Variants in HEPHL1 observed in about 807,000 individuals in gnomAD.
The protein encoded by HEPHL1 is hephaestin like 1, also known as ferroxidase HEPHL1.
A neutral mutation model predicts 122.0 loss-of-function variants in HEPHL1; 123 were observed. That is an observed-to-expected ratio of 1.01 (90% CI 0.87 to 1.17). The LOEUF (loss-of-function observed/expected upper bound fraction) is 1.17, where lower values mean the gene tolerates loss of function less well. Among genes scored for constraint, HEPHL1 ranks in the 50% most tolerant of loss-of-function variants. HEPHL1 has a pLI of 0.00. For missense variants in HEPHL1, 1,452 were observed against 1,430.5 expected (o/e 1.01, Z -0.24); for synonymous variants, 527 against 508.9 (o/e 1.04, Z -0.48).
intron 9 of HEPHL1, among the ~76,000 whole-genome samples, chr11:94,076,633 A>G (rs918122599): frequency 1.3e-5 from 2 of 152,038 alleles, no homozygotes; most frequent in African/African-American, 4.8e-5. Flanking sequence ...ACCCTGAAAC[A>G]TCCTATACCT....
At chr11:94,089,796 G>A (rs908664709) in intron 12 of HEPHL1, among the ~76,000 whole-genome samples, 2 of 152,062 alleles carry the variant, frequency 1.3e-5, no homozygotes, top group Admixed American at 1.3e-4. Context: ...GAGTTAAGGC[G>A]CCCAACTAGA....
Position 94,021,503 on chromosome 11 carries a change from G to A in HEPHL1, c.135G>A (p.Lys45=). Residue 45 remains lysine, a synonymous_variant, in exon 1 of 20, where the codon AAG becomes AAA. Coordinates refer to ENST00000315765, the MANE Select transcript of HEPHL1 (RefSeq NM_001098672.2). The part of the protein sequence containing the change: ...EEYWNYVPQG[K]NVITGKSFTE... ...ACTGGAACTATGTACCCCAAGGGAA[G>A]AATGTTATTACTGGGAAAAGTTTCA... The A allele has an allele frequency of 2.5e-6, 4 of 1,611,976 alleles. No individual in the cohort carries two copies. Among genetic ancestry groups the A allele is most frequent in the Non-Finnish European group, 3.4e-6 (4 of 1,179,132 alleles).
chr11:94,031,531 T>C lies in HEPHL1; in HGVS notation c.170+9993T>C, dbSNP rs112945762. On this transcript the variant is annotated intron_variant, in intron 1 of 19. Coordinates refer to ENST00000315765, the MANE Select transcript of HEPHL1 (RefSeq NM_001098672.2). ...TTACCCAGCTGCCAGTTGAAGAACA[T>C]TTTGGTCTTTCCAGGCTTTTGCTAT... is the stretch of plus-strand genomic sequence containing the variant. Among the ~76,000 whole-genome samples, 834 of 152,302 alleles carry C rather than the reference T, an allele frequency of 5.5e-3. 7 individuals carry two copies. Among genetic ancestry groups the C allele is most frequent in the African/African-American group, 0.019 (777 of 41,562 alleles).
chr11:94,082,344 A>G (rs1946177669), intron 9 of HEPHL1, 74 bp from the exon 10 acceptor site: 1 of 1,142,984 alleles, frequency 8.7e-7, no homozygotes, highest in African/African-American at 1.5e-5. Flanking sequence ...TTTTGTGTGA[A>G]CTTTGAAGGA....
intron 3 of HEPHL1, among the ~76,000 whole-genome samples, chr11:94,063,997 T>G (rs4753122): frequency 0.57 from 87,200 of 152,084 alleles, 25,156 homozygotes; most frequent in South Asian, 0.68. Context: ...AAATGACCAG[T>G]AATGCCTTCT....
chr11:94,028,816 C>T (rs1945647648), intron 1 of HEPHL1, among the ~76,000 whole-genome samples: 1 of 152,166 alleles, frequency 6.6e-6, no homozygotes, highest in Non-Finnish European at 1.5e-5. Flanking sequence ...AAGTTACTTC[C>T]TTACTTTGTT....
chr11:94,058,615 T>A (rs1209240176), intron 2 of HEPHL1, among the ~76,000 whole-genome samples: 1 of 152,222 alleles, frequency 6.6e-6, no homozygotes, highest in Non-Finnish European at 1.5e-5. Context: ...TTATATACAT[T>A]CCTTCATTTA....
chr11:94,083,025 T>G (rs1044969968), intron 10 of HEPHL1, among the ~76,000 whole-genome samples: 6 of 151,400 alleles, frequency 4.0e-5, no homozygotes, highest in Non-Finnish European at 8.8e-5. Flanking sequence ...GAGGTGGAGG[T>G]TGCAGTGAGC....
chr11:94,036,144 C>T (rs1039799158), intron 1 of HEPHL1, among the ~76,000 whole-genome samples: 7 of 152,224 alleles, frequency 4.6e-5, no homozygotes, highest in African/African-American at 1.7e-4. Flanking sequence ...TAGGGTGACA[C>T]AGTCATACAT....
chr11:94,102,150 C>T (rs1055472148), intron 14 of HEPHL1, among the ~76,000 whole-genome samples: 1 of 152,146 alleles, frequency 6.6e-6, no homozygotes, highest in African/African-American at 2.4e-5. Flanking sequence ...TGGAATGTAT[C>T]TCTCCTGGAC....
In HEPHL1 at chr11:94,100,450, C is replaced by T. The variant is rs1286098340; in HGVS notation, c.2435-745C>T. ...ACAGGCCCTCTGAGCCAGGTGTGGG[C>T]TCATCTCCATTGGCACCCAGCCTGG... On this transcript the variant is annotated intron_variant, in intron 13 of 19. Coordinates refer to ENST00000315765, the MANE Select transcript of HEPHL1 (RefSeq NM_001098672.2). 3.9e-5 allele frequency among the ~76,000 whole-genome samples: 6 copies of T among 152,180 alleles called. No individual in the cohort carries two copies. In the East Asian group the frequency reaches 1.2e-3, roughly 29 times the overall value.
At chr11:94,071,425 A>G (rs756167771) in intron 6 of HEPHL1, among the ~76,000 whole-genome samples, 1 of 152,168 alleles carries the variant, frequency 6.6e-6, no homozygotes, top group Non-Finnish European at 1.5e-5. Flanking sequence ...TGTGTGAACC[A>G]TATGTGAAAG....
At chr11:94,050,849 C>T (rs1464280978) in intron 2 of HEPHL1, among the ~76,000 whole-genome samples, 1 of 152,064 alleles carries the variant, frequency 6.6e-6, no homozygotes. Flanking sequence ...GGTATCCATC[C>T]TTCTATTCTG....
At chr11:94,045,579 G>A in intron 1 of HEPHL1, 94 bp from the exon 2 acceptor site, 9 of 1,056,692 alleles carry the variant, frequency 8.5e-6, no homozygotes, top group South Asian at 1.7e-5. Context: ...CCAAATGAGA[G>A]GTCATACATG....
intron 2 of HEPHL1, among the ~76,000 whole-genome samples, chr11:94,047,043 C>T (rs1235779848): frequency 1.3e-5 from 2 of 152,182 alleles, no homozygotes; most frequent in Non-Finnish European, 2.9e-5. Context: ...GGAGAGAACT[C>T]TGATGGTGAA....
intron 9 of HEPHL1, among the ~76,000 whole-genome samples, chr11:94,077,056 T>G (rs1946131585): frequency 6.6e-6 from 1 of 152,220 alleles, no homozygotes; most frequent in African/African-American, 2.4e-5. Context: ...ACATTTGATC[T>G]CATTTGCTTT....
intron 1 of HEPHL1, among the ~76,000 whole-genome samples, chr11:94,030,570 T>C (rs1478541061): frequency 6.6e-6 from 1 of 152,066 alleles, no homozygotes; most frequent in African/African-American, 2.4e-5. Context: ...CAGGCATGAA[T>C]AAAGGGAAGA....
In HEPHL1 at chr11:94,063,553, A is replaced by G; in HGVS notation, c.461A>G (p.Asp154Gly). The G allele has an allele frequency of 6.2e-7, 1 of 1,613,352 alleles. No homozygotes were observed. The highest frequency in any genetic ancestry group is 8.5e-7 in the Non-Finnish European group (1 of 1,179,622). Residue 154 changes from aspartate to glycine, a missense_variant, in exon 3 of 20, where the codon GAC becomes GGC. Transcript: ENST00000315765. ...DGTSGRNKNDDMVPPGKNYTY... is the reference protein window; with the variant it reads ...DGTSGRNKNDGMVPPGKNYTY... ...ACATCTGGAAGGAACAAAAATGATG[A>G]CATGGTTCCTCCTGGGAAAAACTAC...
At chr11:94,108,718 G>T (rs1380294819) in intron 17 of HEPHL1, among the ~76,000 whole-genome samples, 1 of 151,780 alleles carries the variant, frequency 6.6e-6, no homozygotes, top group African/African-American at 2.4e-5. Context: ...ATATATGTGG[G>T]TCTATGTCTG....
Sources: allele counts gnomAD v4.1 joint callset (sites outside exome capture counted in the v4.1 genomes callset), GRCh38; gene constraint gnomAD v4.1.1; transcripts MANE v1.5; gene names NCBI Gene and HGNC (gene_info 2026-07-23, HGNC 2026-07-21).